UBE2W: variants seen among roughly 807,000 people sequenced by gnomAD.
UBE2W encodes the protein ubiquitin conjugating enzyme E2 W, also known as ubiquitin-conjugating enzyme E2 W.
In UBE2W, 18 loss-of-function variants were observed where a neutral mutation model predicts 27.2. The observed-to-expected ratio is 0.66, with a 90% confidence interval of 0.46 to 0.98. The LOEUF (loss-of-function observed/expected upper bound fraction) is 0.98. UBE2W is among the 50% of genes least tolerant of loss of function. The probability of loss-of-function intolerance (pLI) is 0.00; values close to 1 mark genes in which losing one functional copy is unlikely to be tolerated. For missense variants in UBE2W, 90 were observed against 180.2 expected (o/e 0.50, Z 2.87); for synonymous variants, 53 against 57.2 (o/e 0.93, Z 0.33).
intron 5 of UBE2W, among the ~76,000 whole-genome samples, chr8:73,802,444 C>T (rs562244275): frequency 6.6e-6 from 1 of 151,504 alleles, no homozygotes; most frequent in South Asian, 2.1e-4. Flanking sequence ...TTTTTTCAAA[C>T]TTTATAACGA....
chr8:73,794,870 G>GAAAAAAAA (rs745852858), intron 5 of UBE2W, among the ~76,000 whole-genome samples: 2 of 103,546 alleles, frequency 1.9e-5, no homozygotes, highest in Non-Finnish European at 2.0e-5. Context: ...AAAAAAAAAA[G>GAAAAAAAA]AAAAAAAAAA....
At chr8:73,849,069 A>G (rs1330222472) in intron 1 of UBE2W, among the ~76,000 whole-genome samples, 1 of 152,048 alleles carries the variant, frequency 6.6e-6, no homozygotes, top group Non-Finnish European at 1.5e-5. Context: ...GCAAATATGG[A>G]AAATGTTAAT....
At chr8:73,866,290 A>AATATATATATATATATAT (rs71269958) in intron 1 of UBE2W, among the ~76,000 whole-genome samples, 11 of 43,084 alleles carry the variant, frequency 2.6e-4, no homozygotes, top group South Asian at 1.1e-3. Flanking sequence ...AAAAAAAAAA[A>AATATATATATATATATAT]ATATATATAT....
intron 4 of UBE2W, among the ~76,000 whole-genome samples, chr8:73,808,071 A>G (rs1277002561): frequency 1.3e-5 from 2 of 152,222 alleles, no homozygotes; most frequent in African/African-American, 4.8e-5. Flanking sequence ...ACTGTGTAAA[A>G]GGAAATTGGA....
chr8:73,867,140 C>T (rs1811811078), intron 1 of UBE2W, among the ~76,000 whole-genome samples: 1 of 152,208 alleles, frequency 6.6e-6, no homozygotes, highest in East Asian at 1.9e-4. Context: ...GTGGCTCACG[C>T]CTGTGATCTC....
downstream of UBE2W, among the ~76,000 whole-genome samples, chr8:73,781,861 T>G (rs1002699144): frequency 2.0e-5 from 3 of 151,732 alleles, no homozygotes; most frequent in Non-Finnish European, 4.4e-5. Context: ...TGATTATGGC[T>G]GAATTTGTCC....
intron 1 of UBE2W, among the ~76,000 whole-genome samples, chr8:73,873,574 C>T (rs957656100): frequency 5.3e-5 from 8 of 152,062 alleles, no homozygotes; most frequent in South Asian, 4.1e-4. Context: ...GAGGATCACC[C>T]GAGCCTGGGA....
intron 3 of UBE2W, among the ~76,000 whole-genome samples, chr8:73,824,264 C>T (rs1010258478): frequency 7.9e-5 from 12 of 152,176 alleles, no homozygotes; most frequent in Admixed American, 7.9e-4. Flanking sequence ...TCTCAAAAAA[C>T]ATTTCTCTAC....
chr8:73,872,368 G>A (rs1423178614), intron 1 of UBE2W, among the ~76,000 whole-genome samples: 1 of 152,062 alleles, frequency 6.6e-6, no homozygotes, highest in African/African-American at 2.4e-5. Context: ...GTAAGGTTCA[G>A]TACCTATAAA....
In UBE2W at chr8:73,853,683, T is replaced by C. The variant is rs76517654; in HGVS notation, c.16-23211A>G. Reference sequence around the variant, plus strand: ...CATAATTAAATACCTCAGATTGTTATTGAAAGAACACAATGAGATGGGCTG... The same window carrying C: ...CATAATTAAATACCTCAGATTGTTACTGAAAGAACACAATGAGATGGGCTG... On this transcript the variant is annotated intron_variant, in intron 1 of 5. Transcript: ENST00000602593. Among the ~76,000 whole-genome samples, 55 of 152,288 alleles carry C rather than the reference T, an allele frequency of 3.6e-4. No homozygotes were observed. The East Asian group carries it at 8.3e-3, about 23-fold the overall frequency.
At chr8:73,838,884 C>A (rs538519902) in intron 1 of UBE2W, among the ~76,000 whole-genome samples, 2 of 152,308 alleles carry the variant, frequency 1.3e-5, no homozygotes, top group Middle Eastern at 3.4e-3. Context: ...CTTTCTGCAA[C>A]TAATCAGACT....
rs930370357 is a variant in UBE2W, at chr8:73,789,953, T to A, written c.*4149A>T. 4.1e-6 allele frequency: 4 copies of A among 983,596 alleles called. No individual in the cohort carries two copies. Among genetic ancestry groups the A allele is most frequent in the Non-Finnish European group, 4.8e-6 (4 of 828,896 alleles). 60.9% of individuals were successfully genotyped at this position (983,596 alleles called of 1,614,324 possible). A position where few individuals can be genotyped will look rare whatever the true frequency, so the allele number is the denominator to read the frequency against. On this transcript the variant is annotated 3_prime_UTR_variant, in exon 6 of 6. Transcript: ENST00000602593. ...GGACAATAATTTGGCTTTGGGAGAGTCCTCATCCGAAAATAACAAAATTTC... is the reference window on the plus strand; with the variant it reads ...GGACAATAATTTGGCTTTGGGAGAGACCTCATCCGAAAATAACAAAATTTC...
intron 1 of UBE2W, among the ~76,000 whole-genome samples, chr8:73,832,206 T>C (rs931567754): frequency 2.0e-5 from 3 of 151,110 alleles, no homozygotes; most frequent in African/African-American, 4.9e-5. Context: ...GAGGATAAGG[T>C]AGGAGGATCT....
intron 1 of UBE2W, among the ~76,000 whole-genome samples, chr8:73,873,659 G>C (rs748895276): frequency 1.3e-5 from 2 of 152,130 alleles, no homozygotes; most frequent in Middle Eastern, 3.4e-3. Context: ...CTGTCTCAGA[G>C]AGAAAAAATT....
At chr8:73,868,172 A>C (rs1430793094) in intron 1 of UBE2W, among the ~76,000 whole-genome samples, 1 of 152,184 alleles carries the variant, frequency 6.6e-6, no homozygotes, top group African/African-American at 2.4e-5. Flanking sequence ...GAGGGTGGAA[A>C]CATTCAGCCC....
At chr8:73,797,162 GA>G (rs1481389924) in intron 5 of UBE2W, among the ~76,000 whole-genome samples, 1 of 152,106 alleles carries the variant, frequency 6.6e-6, no homozygotes, top group Non-Finnish European at 1.5e-5. Flanking sequence ...GGGCTTCTGA[GA>G]AATGTAAATG....
intron 2 of UBE2W, among the ~76,000 whole-genome samples, chr8:73,826,399 G>A (rs1225165210): frequency 6.6e-6 from 1 of 151,998 alleles, no homozygotes; most frequent in Admixed American, 6.6e-5. Context: ...GTACACCTGG[G>A]CAATTCTCTT....
At position 73,810,580 on chromosome 8, in the gene UBE2W, T is replaced by C. The variant is rs760069051; in HGVS notation, c.260A>G (p.Asn87Ser). ...NIPVHPHVYS[N>S]GHICLSILTE... ...TAGAATGGATAAACAGATATGACCA[T>C]TGCTATAAACATGAGGATGAACAGG... The change falls in exon 4 of 6, where the codon AAT becomes AGT. Residue 87 changes from asparagine (N) to serine (S), a missense_variant. Transcript: ENST00000602593. The C allele has an allele frequency of 1.9e-6, 3 of 1,611,524 alleles. No individual in the cohort carries two copies.
At chr8:73,785,710 G>A (rs760549829), downstream of UBE2W, among the ~76,000 whole-genome samples, 1 of 152,078 alleles carries the variant, frequency 6.6e-6, no homozygotes, top group Non-Finnish European at 1.5e-5. Context: ...TCCTGCCTCA[G>A]CCTCCCAAGT....
Sources: gnomAD v4.1 joint callset for allele counts (sites outside exome capture counted in the v4.1 genomes callset) on GRCh38, gnomAD v4.1.1 for gene constraint, MANE v1.5 for transcripts, NCBI Gene and HGNC (gene_info 2026-07-23, HGNC 2026-07-21) for gene names.